NECTIN1: variants seen among roughly 807,000 people sequenced by gnomAD.
NECTIN1 encodes nectin-1.
A neutral mutation model predicts 48.0 loss-of-function variants in NECTIN1; 23 were observed. The observed-to-expected ratio is 0.48, with a 90% CI of 0.34 to 0.68. The LOEUF (loss-of-function observed/expected upper bound fraction) is 0.68. NECTIN1 is among the 30% of genes least tolerant of loss of function. The pLI, the probability that NECTIN1 is intolerant of heterozygous loss-of-function variation, is 0.01. For missense variants in NECTIN1, 591 were observed against 709.9 expected (o/e 0.83, Z 1.90); for synonymous variants, 270 against 288.9 (o/e 0.93, Z 0.66).
At position 119,677,270 on chromosome 11, in the gene NECTIN1, A is replaced by G; in HGVS notation, c.734-51T>C. 6.7e-7 allele frequency: 1 copy of G among 1,490,514 alleles called. No individual in the cohort carries two copies. Among genetic ancestry groups the G allele is most frequent in the Non-Finnish European group, 9.4e-7 (1 of 1,068,284 alleles). 92.3% of individuals were successfully genotyped at this position (1,490,514 alleles called of 1,614,324 possible). ...GGGTGAGGTCAGGAGAGCGGGACTT[A>G]GAACAAGGGAACTTCAGCCAGGAAG... On this transcript the variant is annotated intron_variant, in intron 3 of 5. Transcript: ENST00000264025. This position sits in a 1 kb window ranked among gnomAD's most constrained non-coding sequence, Gnocchi z 5.4.
chr11:119,718,200 T>C (rs1277873852), intron 1 of NECTIN1, among the ~76,000 whole-genome samples: 1 of 152,136 alleles, frequency 6.6e-6, no homozygotes, highest in Non-Finnish European at 1.5e-5. Flanking sequence ...ACAGGGACTG[T>C]CTGAAGTCAA....
chr11:119,722,784 C>G (rs186184106), intron 1 of NECTIN1, among the ~76,000 whole-genome samples: 1 of 152,182 alleles, frequency 6.6e-6, no homozygotes, highest in Non-Finnish European at 1.5e-5. Flanking sequence ...CAAGGGAACA[C>G]GAGTAGCAGA....
At chr11:119,647,160 CATGT>C (rs1354860026) in intron 5 of NECTIN1, among the ~76,000 whole-genome samples, 18 of 71,356 alleles carry the variant, frequency 2.5e-4, no homozygotes, top group Non-Finnish European at 3.3e-4. Flanking sequence ...GCTTGCGGCG[CATGT>C]GTGTGTGTGT....
rs140342742 is a variant in NECTIN1, at chr11:119,639,998, G to C, written c.1018C>G (p.Gln340Glu). The C allele has an allele frequency of 6.8e-5, 110 of 1,612,838 alleles. 1 individual carries two copies. In the African/African-American group the frequency reaches 1.4e-3, roughly 20 times the overall value. The change falls in exon 6 of 8, where the codon CAG becomes GAG. Residue 340 changes from glutamine (Q) to glutamate (E), a missense_variant. Transcript: ENST00000341398. The stretch of plus-strand genomic sequence containing the variant: ...CTGGCTGCACTTCCCAGACCCCTCT[G>C]GGGGCGGGGCTTTTCTGGAAACAAA...
chr11:119,646,623 G>A (rs1033019661), intron 5 of NECTIN1, among the ~76,000 whole-genome samples: 1 of 152,216 alleles, frequency 6.6e-6, no homozygotes, highest in Non-Finnish European at 1.5e-5. Context: ...GCTCAGAGAA[G>A]GTTGGTGAAA....
intron 1 of NECTIN1, among the ~76,000 whole-genome samples, chr11:119,722,377 C>A (rs1449803528): frequency 6.6e-6 from 1 of 152,224 alleles, no homozygotes; most frequent in African/African-American, 2.4e-5. Context: ...ATTCTCTACC[C>A]ATCTGGCTGA....
Position 119,662,045 on chromosome 11 carries a change from A to G in NECTIN1, c.*2702T>C, listed in dbSNP as rs59997117. On this transcript the variant is annotated 3_prime_UTR_variant, in exon 6 of 6. Transcript: ENST00000264025. The surrounding 1 kb of genome is among the most constrained non-coding windows in gnomAD (Gnocchi z 5.3). ...ACAATATCAAAATCTGTAAGGAAAC[A>G]GGGGCATGGGTGTGGGGTGGGGGGC... 4,515 of 984,552 alleles carry G rather than the reference A, an allele frequency of 4.6e-3. 124 individuals are homozygous for G. In the African/African-American group the frequency reaches 0.062, roughly 14 times the overall value. The allele number at this position is 984,552 out of a possible 1,614,324, so 61.0% of individuals were successfully genotyped here. A position where few individuals can be genotyped will look rare whatever the true frequency, so the allele number is the denominator to read the frequency against.
chr11:119,646,581 C>T (rs1864399037), intron 5 of NECTIN1, among the ~76,000 whole-genome samples: 1 of 152,098 alleles, frequency 6.6e-6, no homozygotes, highest in African/African-American at 2.4e-5. Flanking sequence ...ATGCCCCCAC[C>T]CCTTTGAGTC....
At chr11:119,660,455 G>T (rs1346660839), downstream of NECTIN1, among the ~76,000 whole-genome samples, 1 of 152,232 alleles carries the variant, frequency 6.6e-6, no homozygotes, top group East Asian at 1.9e-4. Context: ...ATGGGGCGGG[G>T]CAGTAGCTTC....
rs753238579 is a variant in NECTIN1 at position 119,727,070 on chromosome 11, GT to G, written c.79+1404del. On this transcript the variant is annotated intron_variant, in intron 1 of 5. Transcript: ENST00000264025. This position sits in a 1 kb window ranked among gnomAD's most constrained non-coding sequence, Gnocchi z 4.1. ...AGGCTTCACGGGTGGAGGCACCCCA[GT>G]ACTGGCTTTCACAAACTGCTTCCCA... Among the ~76,000 whole-genome samples, 39 of 152,134 alleles carry G rather than the reference GT, an allele frequency of 2.6e-4. No individual in the cohort carries two copies. Among genetic ancestry groups the G allele is most frequent in the Non-Finnish European group, 1.5e-4 (10 of 68,018 alleles).
rs1332384074 is a variant in NECTIN1, at chr11:119,662,075, A to T, written c.*2672T>A. 1 of 985,384 alleles carries T rather than the reference A, an allele frequency of 1.0e-6. No individual in the cohort carries two copies. The highest frequency in any genetic ancestry group is 1.7e-5 in the African/African-American group (1 of 57,224). The allele number at this position is 985,384 out of a possible 1,614,324, so 61.0% of individuals were successfully genotyped here. On this transcript the variant is annotated 3_prime_UTR_variant, in exon 6 of 6. Coordinates refer to ENST00000264025, the MANE Select transcript of NECTIN1 (RefSeq NM_002855.5). The surrounding 1 kb of genome is among the most constrained non-coding windows in gnomAD (Gnocchi z 5.3). ...CATGGGTGTGGGGTGGGGGGCAAGGACAGGGAGGGCAACAAGAGGCAGGAT... is the reference window on the plus strand; with the variant it reads ...CATGGGTGTGGGGTGGGGGGCAAGGTCAGGGAGGGCAACAAGAGGCAGGAT...
At chr11:119,681,098 T>C (rs1424687221) in intron 1 of NECTIN1, among the ~76,000 whole-genome samples, 2 of 152,126 alleles carry the variant, frequency 1.3e-5, no homozygotes, top group Non-Finnish European at 2.9e-5. Context: ...TACAGTTCCA[T>C]GGTGAGGTCA....
rs2135548263 is a variant in NECTIN1 at position 119,673,270 on chromosome 11, T to C, written c.1003+1889A>G. On this transcript the variant is annotated intron_variant, in intron 5 of 5. Coordinates refer to ENST00000264025, the MANE Select transcript of NECTIN1 (RefSeq NM_002855.5). The surrounding 1 kb of genome is among the most constrained non-coding windows in gnomAD (Gnocchi z 5.8). ...ACTCCCTGAGTCCTCTGGAGGGGGCTGAGAGTCCCTTCCGAGAGAGGCCAG... is the reference window on the plus strand; with the variant it reads ...ACTCCCTGAGTCCTCTGGAGGGGGCCGAGAGTCCCTTCCGAGAGAGGCCAG... 6.6e-6 allele frequency among the ~76,000 whole-genome samples: 1 copy of C among 152,224 alleles called. No homozygotes were observed. The highest frequency in any genetic ancestry group is 1.9e-4 in the East Asian group (1 of 5,158).
chr11:119,669,600 G>A (rs902141021), intron 5 of NECTIN1, among the ~76,000 whole-genome samples: 1 of 151,718 alleles, frequency 6.6e-6, no homozygotes, highest in African/African-American at 2.4e-5. Flanking sequence ...TCCTGTTGAA[G>A]TGTAACATAT....
Position 119,672,174 on chromosome 11 carries a change from C to A in NECTIN1, c.1003+2985G>T, listed in dbSNP as rs567492792. 2.0e-5 allele frequency among the ~76,000 whole-genome samples: 3 copies of A among 151,048 alleles called. No homozygotes were observed. The South Asian group carries it at 6.3e-4, about 32-fold the overall frequency. On this transcript the variant is annotated intron_variant, in intron 5 of 5. Coordinates refer to ENST00000264025, the MANE Select transcript of NECTIN1 (RefSeq NM_002855.5). This position sits in a 1 kb window ranked among gnomAD's most constrained non-coding sequence, Gnocchi z 4.3. ...AATGTGAGTTGGGACAGACGCCCTG[C>A]ACCCTGGGATGGACATCCTACACCC...
At chr11:119,646,977 C>T (rs1285330732) in intron 5 of NECTIN1, among the ~76,000 whole-genome samples, 3 of 152,200 alleles carry the variant, frequency 2.0e-5, no homozygotes, top group Non-Finnish European at 4.4e-5. Context: ...GACATGCCTG[C>T]TCCTGTGGCA....
intron 5 of NECTIN1, chr11:119,674,316 G>A (rs1864909145): frequency 7.5e-7 from 1 of 1,334,434 alleles, no homozygotes. Context: ...GTGAAGTTGT[G>A]ATGGCAGTTT....
In NECTIN1 at chr11:119,664,225, A is replaced by C; in HGVS notation, c.*522T>G. 1 of 989,464 alleles carries C rather than the reference A, an allele frequency of 1.0e-6. No homozygotes were observed. Among genetic ancestry groups the C allele is most frequent in the Non-Finnish European group, 1.2e-6 (1 of 832,310 alleles). The allele number at this position is 989,464 out of a possible 1,614,324, so 61.3% of individuals were successfully genotyped here. A position where few individuals can be genotyped will look rare whatever the true frequency, so the allele number is the denominator to read the frequency against. On this transcript the variant is annotated 3_prime_UTR_variant, in exon 6 of 6. Transcript: ENST00000264025. ...CCTCTTGGGCGCACCAGCTGTCTAG[A>C]CCCAAGGTCCAAACTCCCAGCTGCA...
intron 1 of NECTIN1, among the ~76,000 whole-genome samples, chr11:119,682,445 G>C (rs531647513): frequency 6.6e-6 from 1 of 152,286 alleles, no homozygotes; most frequent in East Asian, 1.9e-4. Flanking sequence ...AGCTGAGCTA[G>C]CGTCTCCCAC....
Sources: gnomAD v4.1 joint callset for allele counts (sites outside exome capture counted in the v4.1 genomes callset) on GRCh38, gnomAD v4.1.1 for gene constraint, Gnocchi (gnomAD v3.1) non-coding constraint, MANE v1.5 for transcripts, NCBI Gene and HGNC (gene_info 2026-07-23, HGNC 2026-07-21) for gene names.